Variants in TGM3 observed in about 807,000 individuals in gnomAD.
TGM3 encodes transglutaminase 3.
In TGM3, 52 loss-of-function variants were observed where a neutral mutation model predicts 73.8. The observed-to-expected ratio is 0.70, with a 90% CI of 0.56 to 0.89. The LOEUF is 0.89. Among genes scored for constraint, TGM3 ranks in the 40% least tolerant of loss-of-function variants. The pLI, the probability that TGM3 is intolerant of heterozygous loss-of-function variation, is 0.00. For synonymous variants in TGM3, 372 were observed against 354.9 expected (o/e 1.05, Z -0.54); for missense variants, 928 against 909.9 (o/e 1.02, Z -0.26).
chr20:2,297,850 G>T (rs45499996), intron 1 of TGM3, among the ~76,000 whole-genome samples: 1,770 of 152,310 alleles, frequency 0.012, 34 homozygotes, highest in African/African-American at 0.041. Flanking sequence ...ATGAGATGTG[G>T]TTCTGTCCTC....
intron 7 of TGM3, among the ~76,000 whole-genome samples, chr20:2,321,986 C>A (rs894876642): frequency 6.6e-6 from 1 of 151,820 alleles, no homozygotes; most frequent in African/African-American, 2.4e-5. Flanking sequence ...CCCTTGGGTG[C>A]TCTGCCAGGA....
intron 4 of TGM3, among the ~76,000 whole-genome samples, chr20:2,311,424 T>G (rs944340844): frequency 2.0e-5 from 3 of 152,192 alleles, no homozygotes; most frequent in African/African-American, 4.8e-5. Context: ...GGTGCCAGGA[T>G]GCACAAATAA....
chr20:2,308,680 T>G (rs969354475), intron 1 of TGM3, among the ~76,000 whole-genome samples: 1 of 151,982 alleles, frequency 6.6e-6, no homozygotes, highest in Non-Finnish European at 1.5e-5. Context: ...CTGCTCAGAG[T>G]CTCCGCCAGC....
chr20:2,339,558 C>A (rs2084369058), intron 11 of TGM3, among the ~76,000 whole-genome samples: 1 of 152,170 alleles, frequency 6.6e-6, no homozygotes, highest in South Asian at 2.1e-4. Flanking sequence ...AGGGTCTGAA[C>A]TGGAGTCGGG....
At chr20:2,300,923 C>T (rs188868355) in intron 1 of TGM3, among the ~76,000 whole-genome samples, 116 of 152,128 alleles carry the variant, frequency 7.6e-4, no homozygotes, top group Middle Eastern at 6.8e-3. Context: ...TGTTGAATCC[C>T]AACAATAACC....
Position 2,340,571 on chromosome 20 carries a change from T to C in TGM3, c.2072T>C (p.Val691Ala), listed in dbSNP as rs2084376406. ...PAIKAMLSID[V>A]AE is the part of the protein sequence containing the mutation. ...ATCAAGGCCATGTTGTCCATCGATG[T>C]AGCCGAATGAAGGGCGCTGGTGGCC... The change falls in exon 13 of 13, where the codon GTA (valine) becomes GCA (alanine). Residue 691 changes from valine (V) to alanine (A), a missense_variant. Physicochemically the swap from Val to Ala is moderately conservative, Grantham distance 64 (BLOSUM62 0). Coordinates refer to ENST00000381458, the MANE Select transcript of TGM3 (RefSeq NM_003245.4). 1.2e-6 allele frequency: 2 copies of C among 1,612,778 alleles called. No homozygotes were observed. The highest frequency in any genetic ancestry group is 1.3e-5 in the African/African-American group (1 of 74,896).
intron 1 of TGM3, among the ~76,000 whole-genome samples, chr20:2,303,779 G>T (rs368666566): frequency 6.6e-6 from 1 of 151,364 alleles, no homozygotes; most frequent in Non-Finnish European, 1.5e-5. Context: ...AATTGCTGCT[G>T]GCACTGATGT....
chr20:2,340,823 T>C lies in TGM3; in HGVS notation c.*242T>C, dbSNP rs1352614661. On this transcript the variant is annotated 3_prime_UTR_variant, in exon 13 of 13. Transcript: ENST00000381458. ...TTCCCTGGCCGCTTCTCCCCAGAGC[T>C]GCCTGCTCTGTGAGCCCCACAGCCC... 1.1e-5 allele frequency: 7 copies of C among 638,592 alleles called. No homozygotes were observed. The highest frequency in any genetic ancestry group is 3.6e-5 in the African/African-American group (2 of 55,832). 39.6% of individuals were successfully genotyped at this position (638,592 alleles called of 1,614,324 possible).
intron 1 of TGM3, among the ~76,000 whole-genome samples, chr20:2,302,164 C>G (rs1303379555): frequency 6.6e-6 from 1 of 152,212 alleles, no homozygotes; most frequent in Admixed American, 6.5e-5. Context: ...CTGTCAGCCC[C>G]TCTGTGGTGT....
chr20:2,340,093 T>C, intron 12 of TGM3, 106 bp downstream of exon 12: 1 of 1,396,040 alleles, frequency 7.2e-7, no homozygotes, highest in East Asian at 2.5e-5. Context: ...CCTTGGGTTC[T>C]TTACTCTTTT....
At chr20:2,304,936 C>G (rs1405030128) in intron 1 of TGM3, among the ~76,000 whole-genome samples, 1 of 152,160 alleles carries the variant, frequency 6.6e-6, no homozygotes, top group East Asian at 1.9e-4. Flanking sequence ...TTTGCTAGAA[C>G]AGCTCACAGG....
chr20:2,340,575 C>T lies in TGM3; in HGVS notation c.2076C>T (p.Ala692=), dbSNP rs1284663585. 3.7e-6 allele frequency: 6 copies of T among 1,614,154 alleles called. No individual in the cohort carries two copies. Among genetic ancestry groups the T allele is most frequent in the Admixed American group, 1.7e-5 (1 of 60,012 alleles). Residue 692 remains alanine, a synonymous_variant, in exon 13 of 13, where the codon GCC becomes GCT. Transcript: ENST00000381458. The stretch of plus-strand genomic sequence containing the variant: ...AGGCCATGTTGTCCATCGATGTAGC[C>T]GAATGAAGGGCGCTGGTGGCCTCCC... The part of the protein sequence containing the change: ...AIKAMLSIDV[A]E
In TGM3 at chr20:2,317,156, G is replaced by A; in HGVS notation, c.758G>A (p.Ser253Asn). 3.1e-6 allele frequency: 5 copies of A among 1,614,114 alleles called. No homozygotes were observed. Among genetic ancestry groups the A allele is most frequent in the Non-Finnish European group, 4.2e-6 (5 of 1,180,016 alleles). ...CGGGACCCAAGGAGCTGGAACGGCA[G>A]CGTGGAGATCCTCAAAAATTGGAAA... ...GGRDPRSWNG[S>N]VEILKNWKKS... Residue 253 changes from serine (S) to asparagine (N), a missense_variant, in exon 6 of 13, where the codon AGC (serine) becomes AAC (asparagine). By Grantham distance (46) the Ser-to-Asn change is conservative. Coordinates refer to ENST00000381458, the MANE Select transcript of TGM3 (RefSeq NM_003245.4).
At chr20:2,297,716 C>T (rs214765) in intron 1 of TGM3, among the ~76,000 whole-genome samples, 149,696 of 152,316 alleles carry the variant, frequency 0.98, 73,572 homozygotes, top group East Asian at 1. Flanking sequence ...TTGCAGTTCC[C>T]AGCTCAGCTC....
chr20:2,309,457 G>A (rs917451821), intron 1 of TGM3, among the ~76,000 whole-genome samples, 200 bp from the exon 2 acceptor site: 1 of 152,220 alleles, frequency 6.6e-6, no homozygotes, highest in Non-Finnish European at 1.5e-5. Flanking sequence ...ACTGAGTCTG[G>A]AAAGATTGAG....
chr20:2,326,122 C>G, intron 8 of TGM3, 170 bp downstream of exon 8: 1 of 694,528 alleles, frequency 1.4e-6, no homozygotes. Context: ...TTGGCTCGGG[C>G]TGCTGTTTAA....
intron 1 of TGM3, among the ~76,000 whole-genome samples, chr20:2,301,673 A>G (rs1216728593): frequency 6.6e-6 from 1 of 151,958 alleles, no homozygotes; most frequent in African/African-American, 2.4e-5. Flanking sequence ...CTCTCAATAG[A>G]GCTTAAAAAC....
At chr20:2,336,792 C>A (rs895413485) in intron 11 of TGM3, among the ~76,000 whole-genome samples, 2 of 151,880 alleles carry the variant, frequency 1.3e-5, no homozygotes, top group East Asian at 1.9e-4. Context: ...TGTATCTAAA[C>A]CCCTCCATTG....
At chr20:2,340,294 C>A in intron 12 of TGM3, 140 bp from the exon 13 acceptor site, 1 of 1,322,756 alleles carries the variant, frequency 7.6e-7, no homozygotes. Flanking sequence ...CCCCGTAACC[C>A]AGAGAGACAG....
Sources: gnomAD v4.1 joint callset for allele counts (sites outside exome capture counted in the v4.1 genomes callset) on GRCh38, gnomAD v4.1.1 for gene constraint, MANE v1.5 for transcripts, NCBI Gene and HGNC (gene_info 2026-07-23, HGNC 2026-07-21) for gene names.